XRCC4: variants seen among roughly 807,000 people sequenced by gnomAD.
XRCC4 encodes DNA repair protein XRCC4.
In XRCC4, 28 loss-of-function variants were observed where a neutral mutation model predicts 39.1. The ratio of observed to expected loss-of-function variants is 0.72; its 90% confidence interval spans 0.53 to 0.98. The LOEUF is 0.98. Ranked by LOEUF, XRCC4 falls within the 50% of genes least tolerant of loss-of-function variation. XRCC4 has a pLI of 0.00. For missense variants in XRCC4, 350 were observed against 376.4 expected (o/e 0.93, Z 0.58); for synonymous variants, 123 against 126.4 (o/e 0.97, Z 0.18).
intron 6 of XRCC4, among the ~76,000 whole-genome samples, chr5:83,246,647 TA>T (rs1236416403): frequency 2.6e-5 from 4 of 152,174 alleles, no homozygotes; most frequent in Non-Finnish European, 5.9e-5. Context: ...ATTATAAATT[TA>T]AAAATGTGAG....
chr5:83,107,255 G>A (rs1413838279), intron 2 of XRCC4, among the ~76,000 whole-genome samples: 1 of 151,960 alleles, frequency 6.6e-6, no homozygotes, highest in African/African-American at 2.4e-5. Flanking sequence ...CTGTGCCCAT[G>A]TTTAGTTAAG....
intron 3 of XRCC4, among the ~76,000 whole-genome samples, chr5:83,164,921 A>T (rs1414828355): frequency 6.6e-6 from 1 of 152,094 alleles, no homozygotes; most frequent in Non-Finnish European, 1.5e-5. Flanking sequence ...AACTTGCTTT[A>T]TGAATGCTAT....
intron 4 of XRCC4, 139 bp from the exon 5 acceptor site, chr5:83,203,413 A>T (rs1751288902): frequency 3.1e-6 from 2 of 646,494 alleles, no homozygotes; most frequent in Middle Eastern, 9.0e-4. Context: ...ATCTTTATAA[A>T]ACTTCCAAGT....
At chr5:83,107,596 G>A (rs778829340) in intron 2 of XRCC4, among the ~76,000 whole-genome samples, 2 of 151,812 alleles carry the variant, frequency 1.3e-5, no homozygotes, top group Non-Finnish European at 2.9e-5. Context: ...CAGTATTACA[G>A]GCGGTTATAT....
chr5:83,154,808 G>A (rs1378679913), intron 3 of XRCC4, among the ~76,000 whole-genome samples: 1 of 152,112 alleles, frequency 6.6e-6, no homozygotes, highest in Non-Finnish European at 1.5e-5. Flanking sequence ...ACCACGAGGT[G>A]CCTTTCAGTC....
intron 7 of XRCC4, among the ~76,000 whole-genome samples, chr5:83,289,177 G>A (rs1754831169): frequency 6.6e-6 from 1 of 151,726 alleles, no homozygotes. Context: ...CTTGCATATA[G>A]TCTACTTTTT....
At position 83,216,604 on chromosome 5, in the gene XRCC4, A is replaced by C. The variant is rs138962968; in HGVS notation, c.745+11683A>C. ...TGAAACGTTAAATAAAATGTGGTCTATCCATACAATAAAGTATTATTTGGC... is the reference window on the plus strand; with the variant it reads ...TGAAACGTTAAATAAAATGTGGTCTCTCCATACAATAAAGTATTATTTGGC... On this transcript the variant is annotated intron_variant, in intron 6 of 7. Coordinates refer to ENST00000396027, the MANE Select transcript of XRCC4 (RefSeq NM_003401.5). Among the ~76,000 whole-genome samples the C allele has an allele frequency of 3.2e-3, 492 of 152,308 alleles. 1 individual carries two copies. Among genetic ancestry groups the C allele is most frequent in the African/African-American group, 0.011 (474 of 41,574 alleles).
chr5:83,320,328 G>A (rs898720594), intron 7 of XRCC4, among the ~76,000 whole-genome samples: 1 of 143,578 alleles, frequency 7.0e-6, no homozygotes, highest in Non-Finnish European at 1.5e-5. Flanking sequence ...TGCACAATGT[G>A]CACATGTACC....
the XRCC4 span, among the ~76,000 whole-genome samples, chr5:83,360,910 A>T: frequency 6.6e-6 from 1 of 152,180 alleles, no homozygotes; most frequent in African/African-American, 2.4e-5. Context: ...ACTAATACTT[A>T]TATGGAATAA....
In XRCC4 at chr5:83,204,928, G is replaced by A. The variant is rs1345821761; in HGVS notation, c.745+7G>A. 1.3e-6 allele frequency: 2 copies of A among 1,583,434 alleles called. No homozygotes were observed. The highest frequency in any genetic ancestry group is 2.2e-5 in the South Asian group (2 of 89,794). On this transcript the variant is annotated splice_region_variant and intron_variant, in intron 6 of 7. Coordinates refer to ENST00000396027, the MANE Select transcript of XRCC4 (RefSeq NM_003401.5). ...CTCTCTGGGTTGGCTTCAGGTAAGAGATACATACATTTATCTCCTCTGTTG... is the reference window on the plus strand; with the variant it reads ...CTCTCTGGGTTGGCTTCAGGTAAGAAATACATACATTTATCTCCTCTGTTG...
intron 3 of XRCC4, among the ~76,000 whole-genome samples, chr5:83,112,089 T>A (rs1378160652): frequency 1.3e-5 from 2 of 152,154 alleles, no homozygotes; most frequent in Admixed American, 1.3e-4. Flanking sequence ...ATTTATATTA[T>A]CGTGTAGGGA....
At chr5:83,146,424 T>C (rs951138204) in intron 3 of XRCC4, among the ~76,000 whole-genome samples, 3 of 152,178 alleles carry the variant, frequency 2.0e-5, no homozygotes, top group Admixed American at 6.5e-5. Context: ...CCAGTGGCTA[T>C]TTGGTTGTGG....
At chr5:83,281,100 G>A (rs2112953583) in intron 7 of XRCC4, among the ~76,000 whole-genome samples, 1 of 152,300 alleles carries the variant, frequency 6.6e-6, no homozygotes, top group South Asian at 2.1e-4. Flanking sequence ...GGTATAGTTA[G>A]CTATAAGAAT....
At chr5:83,214,571 C>T (rs977050989) in intron 6 of XRCC4, among the ~76,000 whole-genome samples, 2 of 151,740 alleles carry the variant, frequency 1.3e-5, no homozygotes, top group Non-Finnish European at 2.9e-5. Context: ...GGTGGCTCAC[C>T]CCTGTAATCC....
chr5:83,123,963 AACAGTAATAC>A (rs1181757220), intron 3 of XRCC4, among the ~76,000 whole-genome samples: 1 of 152,130 alleles, frequency 6.6e-6, no homozygotes, highest in Non-Finnish European at 1.5e-5. Context: ...GAAAAGTTTC[AACAGTAATAC>A]ACAGAGGTCC....
intron 4 of XRCC4, among the ~76,000 whole-genome samples, chr5:83,203,088 G>A (rs1381845736): frequency 2.0e-5 from 3 of 152,060 alleles, no homozygotes; most frequent in Non-Finnish European, 2.9e-5. Context: ...TGGATAAGTC[G>A]TGTTCTTGTT....
At chr5:83,240,580 A>G (rs1157540086) in intron 6 of XRCC4, among the ~76,000 whole-genome samples, 1 of 152,194 alleles carries the variant, frequency 6.6e-6, no homozygotes, top group Non-Finnish European at 1.5e-5. Flanking sequence ...AAAACTAATG[A>G]TGTAAAATGC....
intron 7 of XRCC4, among the ~76,000 whole-genome samples, chr5:83,272,353 T>G (rs1459912450): frequency 1.3e-5 from 2 of 152,174 alleles, no homozygotes; most frequent in Non-Finnish European, 2.9e-5. Context: ...CAGAGAATAA[T>G]GGGATACTAC....
Position 83,252,460 on chromosome 5 carries a change from CT to C in XRCC4, c.746-6059del, listed in dbSNP as rs879759890. On this transcript the variant is annotated intron_variant, in intron 6 of 7. Transcript: ENST00000396027. The stretch of plus-strand genomic sequence containing the variant: ...AATAGGAAAACTAGTATTTATCTTA[CT>C]TTTTTTTTTTGTCTGTGAGAAGATA... Among the ~76,000 whole-genome samples the C allele has an allele frequency of 2.3e-3, 329 of 143,768 alleles. 2 individuals carry two copies. The highest frequency in any genetic ancestry group is 0.011 in the Middle Eastern group (3 of 280). The allele number at this position is 143,768 out of a possible 152,430, so 94.3% of individuals were successfully genotyped here.
Sources: allele counts gnomAD v4.1 joint callset (sites outside exome capture counted in the v4.1 genomes callset), GRCh38; gene constraint gnomAD v4.1.1; transcripts MANE v1.5; gene names NCBI Gene and HGNC (gene_info 2026-07-23, HGNC 2026-07-21).